Variants in MGMT observed in about 807,000 individuals in gnomAD.
The protein encoded by MGMT is O-6-methylguanine-DNA methyltransferase.
A neutral mutation model predicts 15.9 loss-of-function variants in MGMT; 14 were observed. That is an observed-to-expected ratio of 0.88 (90% CI 0.58 to 1.37). MGMT has a LOEUF of 1.37. Among genes scored for constraint, MGMT ranks in the 40% most tolerant of loss-of-function variants. MGMT has a pLI of 0.00. For missense variants in MGMT, 282 were observed against 268.1 expected, an observed-to-expected ratio of 1.05 and a Z score of -0.36; for synonymous variants, 130 against 118.2, an observed-to-expected ratio of 1.10 and a Z score of -0.65.
At chr10:129,581,528 C>G (rs1846555351) in intron 2 of MGMT, among the ~76,000 whole-genome samples, 1 of 152,172 alleles carries the variant, frequency 6.6e-6, no homozygotes, top group Admixed American at 6.5e-5. Context: ...CCTGATGAAA[C>G]AAACTAGAGA....
At chr10:129,505,529 G>A (rs1185881650) in intron 1 of MGMT, among the ~76,000 whole-genome samples, 1 of 152,194 alleles carries the variant, frequency 6.6e-6, no homozygotes, top group Non-Finnish European at 1.5e-5. Flanking sequence ...TAGATACACG[G>A]TGGTTCTTTG....
chr10:129,739,350 A>G (rs1589969091), intron 3 of MGMT, among the ~76,000 whole-genome samples: 1 of 152,238 alleles, frequency 6.6e-6, no homozygotes, highest in East Asian at 1.9e-4. Context: ...TTAGGAAAAG[A>G]GGAAGTCAGT....
intron 3 of MGMT, among the ~76,000 whole-genome samples, chr10:129,712,300 A>G (rs1011913060): frequency 3.2e-4 from 48 of 152,302 alleles, no homozygotes; most frequent in African/African-American, 1.1e-3. Flanking sequence ...TGTTCAACGG[A>G]CGAGTTCTGA....
At chr10:129,572,304 G>C (rs1328498965) in intron 2 of MGMT, among the ~76,000 whole-genome samples, 1 of 152,156 alleles carries the variant, frequency 6.6e-6, no homozygotes, top group African/African-American at 2.4e-5. Context: ...TAGTCTGTGT[G>C]TACCCCAACA....
rs1287498873 is a variant in MGMT at position 129,768,418 on chromosome 10, G to T, written c.*1421G>T. 6.6e-6 allele frequency among the ~76,000 whole-genome samples: 1 copy of T among 152,380 alleles called. No homozygotes were observed. The highest frequency in any genetic ancestry group is 1.9e-4 in the East Asian group (1 of 5,186). Reference sequence around the variant, plus strand: ...TAGACACGTGCTGTTTTGTGGGACAGGCCCTGGGCCTCCTTGCTCCTGGCA... The same window carrying T: ...TAGACACGTGCTGTTTTGTGGGACATGCCCTGGGCCTCCTTGCTCCTGGCA... On this transcript the variant is annotated 3_prime_UTR_variant, in exon 5 of 5. Transcript: ENST00000651593.
At chr10:129,586,802 T>G (rs1846623575) in intron 2 of MGMT, among the ~76,000 whole-genome samples, 1 of 152,210 alleles carries the variant, frequency 6.6e-6, no homozygotes, top group South Asian at 2.1e-4. Flanking sequence ...GTTGCCAAAC[T>G]GTTTTCCAGA....
intron 2 of MGMT, among the ~76,000 whole-genome samples, chr10:129,658,079 C>G (rs1847552921): frequency 6.6e-6 from 1 of 152,150 alleles, no homozygotes. Context: ...TCCTATTATG[C>G]TGTTTTGTTT....
intron 2 of MGMT, among the ~76,000 whole-genome samples, chr10:129,631,668 C>T (rs2133083071): frequency 6.6e-6 from 1 of 152,008 alleles, no homozygotes; most frequent in African/African-American, 2.4e-5. Context: ...ACCAAAAATA[C>T]AAAAAATTAG....
intron 2 of MGMT, among the ~76,000 whole-genome samples, chr10:129,597,373 C>G (rs1428394354): frequency 6.6e-6 from 1 of 152,042 alleles, no homozygotes; most frequent in Non-Finnish European, 1.5e-5. Context: ...TAGAATTGAG[C>G]AAAACATGCT....
intron 2 of MGMT, among the ~76,000 whole-genome samples, chr10:129,612,635 C>T (rs889655998): frequency 3.9e-5 from 6 of 152,244 alleles, no homozygotes; most frequent in South Asian, 4.1e-4. Flanking sequence ...GAACAATTAC[C>T]GGAAGAAACT....
chr10:129,487,912 GGTGTGT>G (rs145304551), intron 1 of MGMT, among the ~76,000 whole-genome samples: 22 of 137,658 alleles, frequency 1.6e-4, no homozygotes, highest in African/African-American at 3.6e-4. Context: ...ACCATATAGG[GGTGTGT>G]GTGTGTGTGT....
At chr10:129,673,979 G>T (rs1352194280) in intron 2 of MGMT, among the ~76,000 whole-genome samples, 1 of 152,138 alleles carries the variant, frequency 6.6e-6, no homozygotes, top group Non-Finnish European at 1.5e-5. Flanking sequence ...ACAAGTAACT[G>T]AATTTTAATT....
chr10:129,518,732 T>C (rs1313522784), intron 1 of MGMT, among the ~76,000 whole-genome samples: 1 of 150,284 alleles, frequency 6.7e-6, no homozygotes, highest in East Asian at 2.0e-4. Context: ...ATGGGTAACA[T>C]ACACAATATG....
chr10:129,488,618 T>G (rs894967895), intron 1 of MGMT, among the ~76,000 whole-genome samples: 1 of 152,222 alleles, frequency 6.6e-6, no homozygotes, highest in Admixed American at 6.5e-5. Flanking sequence ...TTTGCACATT[T>G]TGTGTCTCGT....
chr10:129,489,106 A>G (rs1408444226), intron 1 of MGMT, among the ~76,000 whole-genome samples: 1 of 152,162 alleles, frequency 6.6e-6, no homozygotes, highest in South Asian at 2.1e-4. Context: ...CATGCCTGTA[A>G]TCCCAGCACT....
chr10:129,672,923 T>C (rs1426612228), intron 2 of MGMT, among the ~76,000 whole-genome samples: 1 of 152,170 alleles, frequency 6.6e-6, no homozygotes, highest in African/African-American at 2.4e-5. Flanking sequence ...CCCGGGAGGA[T>C]GTTTTCTTCC....
At chr10:129,609,425 G>T (rs1425236878) in intron 2 of MGMT, among the ~76,000 whole-genome samples, 1 of 151,954 alleles carries the variant, frequency 6.6e-6, no homozygotes, top group Non-Finnish European at 1.5e-5. Flanking sequence ...CTGGAGGCTG[G>T]ATGGTAGAAG....
rs150733276 is a variant in MGMT at position 129,766,460 on chromosome 10, G to C, written c.415-328G>C. On this transcript the variant is annotated intron_variant, in intron 4 of 4. Transcript: ENST00000651593. The stretch of plus-strand genomic sequence containing the variant: ...AAACGTAGTTTTCAGTTTTGTAAGC[G>C]AACGTTGTATATTACTCACCGGATG... Among the ~76,000 whole-genome samples, 86 of 152,302 alleles carry C rather than the reference G, an allele frequency of 5.6e-4. 2 individuals carry two copies. In the East Asian group the frequency reaches 0.013, roughly 23 times the overall value.
chr10:129,732,058 CTA>C (rs1380832970), intron 3 of MGMT, among the ~76,000 whole-genome samples: 2 of 152,310 alleles, frequency 1.3e-5, no homozygotes, highest in East Asian at 3.9e-4. Context: ...CTGATGATCC[CTA>C]GACCACATTT....
Sources: gnomAD v4.1 joint callset for allele counts (sites outside exome capture counted in the v4.1 genomes callset) on GRCh38, gnomAD v4.1.1 for gene constraint, MANE v1.5 for transcripts, NCBI Gene and HGNC (gene_info 2026-07-23, HGNC 2026-07-21) for gene names.